TNKS: variants seen among roughly 807,000 people sequenced by gnomAD.
TNKS encodes poly [ADP-ribose] polymerase tankyrase-1.
A neutral mutation model predicts 135.8 loss-of-function variants in TNKS; 72 were observed. The ratio of observed to expected loss-of-function variants is 0.53; its 90% CI spans 0.44 to 0.64. TNKS has a LOEUF of 0.64. Ranked by LOEUF, TNKS falls within the 30% of genes least tolerant of loss-of-function variation. The pLI, the probability that TNKS is intolerant of heterozygous loss-of-function variation, is 0.00. For synonymous variants in TNKS, 849 were observed against 649.3 expected, an observed-to-expected ratio of 1.31 and a Z score of -4.68; for missense variants, 1,769 against 1,674.0, an observed-to-expected ratio of 1.06 and a Z score of -0.99.
In TNKS at chr8:9,751,622, G is replaced by C; in HGVS notation, c.2846G>C (p.Arg949Thr). The change falls in exon 19 of 27, where the codon AGA becomes ACA. Residue 949 changes from arginine (R) to threonine (T), a missense_variant. Around this residue, in one of 5 missense-constraint regions of TNKS, gnomAD observed 722 missense variants for 688.9 expected, o/e 1.05. Transcript: ENST00000310430. ...TCATTTTTTTAGGCTGACGATATCA[G>C]AGCTTTGCTGATAGATGCCATGCCC... ...PLDLATADDI[R>T]ALLIDAMPPE... 1.2e-6 allele frequency: 2 copies of C among 1,613,958 alleles called. No individual in the cohort carries two copies. Among genetic ancestry groups the C allele is most frequent in the Non-Finnish European group, 1.7e-6 (2 of 1,179,952 alleles).
chr8:9,572,213 A>C (rs1033281726), intron 1 of TNKS, among the ~76,000 whole-genome samples: 8 of 152,226 alleles, frequency 5.3e-5, no homozygotes, highest in Non-Finnish European at 1.0e-4. Context: ...TGACTTTTAC[A>C]TGGAAATAAA....
At chr8:9,668,806 G>A (rs1802127955) in intron 3 of TNKS, among the ~76,000 whole-genome samples, 1 of 152,178 alleles carries the variant, frequency 6.6e-6, no homozygotes, top group Non-Finnish European at 1.5e-5. Context: ...TTGATAGTGT[G>A]TGTTGAGAAG....
At chr8:9,635,082 C>T (rs565623969) in intron 3 of TNKS, among the ~76,000 whole-genome samples, 14 of 151,974 alleles carry the variant, frequency 9.2e-5, no homozygotes, top group Non-Finnish European at 1.9e-4. Context: ...AGGCCGGAGA[C>T]TGGCGTAAAC....
chr8:9,627,959 C>G (rs1800127917), intron 3 of TNKS, among the ~76,000 whole-genome samples: 2 of 152,200 alleles, frequency 1.3e-5, no homozygotes, highest in Admixed American at 1.3e-4. Flanking sequence ...TGCAGCTGCA[C>G]TCGTGTACAA....
At chr8:9,729,262 T>A (rs1004511015) in intron 13 of TNKS, among the ~76,000 whole-genome samples, 1 of 152,184 alleles carries the variant, frequency 6.6e-6, no homozygotes, top group Non-Finnish European at 1.5e-5. Flanking sequence ...AGATTAAGTT[T>A]CAACATGAAT....
At chr8:9,723,555 C>G (rs1805011625) in intron 12 of TNKS, among the ~76,000 whole-genome samples, 1 of 152,120 alleles carries the variant, frequency 6.6e-6, no homozygotes, top group Non-Finnish European at 1.5e-5. Flanking sequence ...GTAAAGAAAA[C>G]AAGAGAAGCA....
chr8:9,771,748 T>A (rs1189209646), intron 26 of TNKS, among the ~76,000 whole-genome samples: 1 of 63,776 alleles, frequency 1.6e-5, no homozygotes, highest in African/African-American at 7.0e-5. Context: ...AAAGGAAGGA[T>A]TGGAGGAAGG....
At chr8:9,751,464 T>C (rs1443699745) in intron 18 of TNKS, 145 bp from the exon 19 acceptor site, 1 of 618,134 alleles carries the variant, frequency 1.6e-6, no homozygotes, top group Non-Finnish European at 2.8e-6. Context: ...GAGCTGTGGA[T>C]AGGAGAAGGA....
intron 11 of TNKS, among the ~76,000 whole-genome samples, chr8:9,718,547 A>G (rs1207784866): frequency 6.6e-6 from 1 of 152,168 alleles, no homozygotes; most frequent in East Asian, 1.9e-4. Context: ...TGTCCTAAAT[A>G]TTTCGGGCCA....
At chr8:9,749,025 G>T (rs769136259) in intron 18 of TNKS, among the ~76,000 whole-genome samples, 2 of 152,192 alleles carry the variant, frequency 1.3e-5, no homozygotes, top group Non-Finnish European at 2.9e-5. Context: ...CAGAATAATT[G>T]TATCTCAAGA....
chr8:9,569,766 G>A (rs982066927), intron 1 of TNKS, among the ~76,000 whole-genome samples: 9 of 152,106 alleles, frequency 5.9e-5, no homozygotes, highest in African/African-American at 1.9e-4. Context: ...TCACTGTTTG[G>A]CATTATATCT....
chr8:9,685,770 A>G lies in TNKS; in HGVS notation c.1107+4970A>G, dbSNP rs757364213. On this transcript the variant is annotated intron_variant, in intron 5 of 26. Coordinates refer to ENST00000310430, the MANE Select transcript of TNKS (RefSeq NM_003747.3). ...TTCTTGAGATATATGCCCATTTTTA[A>G]ACACGTGTTGATTAAAAATTAATAT... 2.0e-3 allele frequency among the ~76,000 whole-genome samples: 298 copies of G among 152,312 alleles called. 2 individuals are homozygous for G. Among genetic ancestry groups the G allele is most frequent in the Non-Finnish European group, 2.9e-3 (199 of 68,022 alleles).
intron 11 of TNKS, among the ~76,000 whole-genome samples, chr8:9,717,072 AATATATATATATATATAT>A (rs368231440): frequency 5.0e-5 from 4 of 79,456 alleles, no homozygotes; most frequent in African/African-American, 1.8e-4. Context: ...GTTGTATTAT[AATATATATATATATATAT>A]ATATATATAT....
intron 3 of TNKS, among the ~76,000 whole-genome samples, chr8:9,647,472 C>G (rs924579090): frequency 6.6e-6 from 1 of 152,018 alleles, no homozygotes; most frequent in Non-Finnish European, 1.5e-5. Flanking sequence ...AGCAAAAATA[C>G]GGAAAAGTAA....
chr8:9,725,756 T>A (rs965538543), intron 12 of TNKS, among the ~76,000 whole-genome samples: 5 of 152,236 alleles, frequency 3.3e-5, no homozygotes, highest in African/African-American at 9.6e-5. Context: ...AAGCCACACT[T>A]CATGTACATA....
At chr8:9,580,038 C>T in intron 1 of TNKS, 121 bp from the exon 2 acceptor site, 3 of 756,870 alleles carry the variant, frequency 4.0e-6, no homozygotes, top group Non-Finnish European at 6.5e-6. Context: ...TTGTTTTACA[C>T]CATTTACTAT....
intron 25 of TNKS, among the ~76,000 whole-genome samples, chr8:9,769,612 CTTTTTTTTTTT>C (rs1163803220): frequency 2.7e-5 from 2 of 73,462 alleles, no homozygotes; most frequent in South Asian, 1.2e-3. Context: ...CAGGCATTTT[CTTTTTTTTTTT>C]TTTTTTTTTT....
chr8:9,765,758 G>A lies in TNKS; in HGVS notation c.3514G>A (p.Glu1172Lys), dbSNP rs1203257066. The A allele has an allele frequency of 6.2e-7, 1 of 1,614,010 alleles. No homozygotes were observed. Among genetic ancestry groups the A allele is most frequent in the African/African-American group, 1.3e-5 (1 of 75,042 alleles). ...FCHRQKEVSE[E>K]NHNHHNERML... ...CCACCGACAGAAGGAAGTGTCTGAGGAGAATCACAACCATCACAATGAGCG... is the reference window on the plus strand; with the variant it reads ...CCACCGACAGAAGGAAGTGTCTGAGAAGAATCACAACCATCACAATGAGCG... Residue 1172 changes from glutamate to lysine, a missense_variant, in exon 24 of 27, where the codon GAG (glutamate) becomes AAG (lysine). Transcript: ENST00000310430.
intron 3 of TNKS, among the ~76,000 whole-genome samples, chr8:9,657,237 GCCGGGCGGGGGGCCGACCCCCCCAC>G: frequency 7.9e-6 from 1 of 127,132 alleles, no homozygotes; most frequent in South Asian, 2.7e-4. Flanking sequence ...GGGGCGGCTG[GCCGGGCGGGGGGCCGACCCCCCCAC>G]CTCCCTCCCG....
Sources: gnomAD v4.1 joint callset for allele counts (sites outside exome capture counted in the v4.1 genomes callset) on GRCh38, gnomAD v4.1.1 for gene constraint, gnomAD v4.1.1 regional missense constraint, MANE v1.5 for transcripts, NCBI Gene and HGNC (gene_info 2026-07-23, HGNC 2026-07-21) for gene names.